TUFT1: variants seen among roughly 807,000 people sequenced by gnomAD.
TUFT1 encodes tuftelin 1.
A neutral mutation model predicts 57.8 loss-of-function variants in TUFT1; 43 were observed. The ratio of observed to expected loss-of-function variants is 0.74; its 90% CI spans 0.58 to 0.96. The LOEUF (loss-of-function observed/expected upper bound fraction) is 0.96, where lower values mean the gene tolerates loss of function less well. Ranked by LOEUF, TUFT1 falls within the 40% of genes least tolerant of loss-of-function variation. The probability of loss-of-function intolerance (pLI) is 0.00; values close to 1 mark genes in which losing one functional copy is unlikely to be tolerated. For synonymous variants in TUFT1, 166 were observed against 176.7 expected (o/e 0.94, Z 0.48); for missense variants, 459 against 489.0 (o/e 0.94, Z 0.58).
rs1313769167 is a variant in TUFT1, at chr1:151,583,476, G to T, written c.*1769G>T. 6.6e-6 allele frequency: 1 copy of T among 152,154 alleles called. No individual in the cohort carries two copies. Among genetic ancestry groups the T allele is most frequent in the Non-Finnish European group, 1.5e-5 (1 of 68,042 alleles). 9.4% of individuals were successfully genotyped at this position (152,154 alleles called of 1,614,324 possible). ...GGGAGTTCCCTCATTTGTAAAATGAGGGGGTCAGAGCAGGTGATATCCATG... is the reference window on the plus strand; with the variant it reads ...GGGAGTTCCCTCATTTGTAAAATGATGGGGTCAGAGCAGGTGATATCCATG... On this transcript the variant is annotated 3_prime_UTR_variant, in exon 13 of 13. Transcript: ENST00000368849.
chr1:151,580,161 C>G (rs1444902438), intron 11 of TUFT1, among the ~76,000 whole-genome samples: 1 of 152,214 alleles, frequency 6.6e-6, no homozygotes, highest in Non-Finnish European at 1.5e-5. Flanking sequence ...AGGGCCCTAC[C>G]TGTCTGTTGA....
intron 6 of TUFT1, among the ~76,000 whole-genome samples, chr1:151,567,660 C>G (rs1666125934): frequency 6.6e-6 from 1 of 152,146 alleles, no homozygotes; most frequent in African/African-American, 2.4e-5. Flanking sequence ...ATTCTCGTGC[C>G]TCAGCGTACT....
At chr1:151,559,987 G>C (rs1480432749) in intron 1 of TUFT1, among the ~76,000 whole-genome samples, 1 of 151,496 alleles carries the variant, frequency 6.6e-6, no homozygotes, top group African/African-American at 2.4e-5. Context: ...GTAGAGATGG[G>C]GTTTCACCAT....
At chr1:151,561,471 G>GCACACA (rs1163728080) in intron 1 of TUFT1, 3 of 311,886 alleles carry the variant, frequency 9.6e-6, no homozygotes, top group African/African-American at 7.7e-5. Context: ...GCGCGCGCGC[G>GCACACA]CGCACACACA....
intron 12 of TUFT1, 117 bp from the exon 13 acceptor site, chr1:151,581,527 C>T: frequency 1.1e-6 from 1 of 949,364 alleles, no homozygotes; most frequent in Non-Finnish European, 1.6e-6. Context: ...AAGTGATCAG[C>T]CAGCACTGCA....
At chr1:151,557,862 T>C (rs1013793674) in intron 1 of TUFT1, 1 of 738,576 alleles carries the variant, frequency 1.4e-6, no homozygotes, top group African/African-American at 1.7e-5. Context: ...ACAGCAAAGC[T>C]GAGGCTGGGG....
chr1:151,572,142 A>C (rs1666271395), intron 7 of TUFT1, among the ~76,000 whole-genome samples: 1 of 152,226 alleles, frequency 6.6e-6, no homozygotes, highest in South Asian at 2.1e-4. Flanking sequence ...TGGAGGCTGC[A>C]GTGAGCTATG....
intron 12 of TUFT1, 98 bp downstream of exon 12, chr1:151,581,140 C>G: frequency 8.8e-7 from 1 of 1,138,208 alleles, no homozygotes; most frequent in Non-Finnish European, 1.3e-6. Context: ...GAACAAGGCT[C>G]CTTTAAATCC....
intron 1 of TUFT1, among the ~76,000 whole-genome samples, chr1:151,555,131 C>T (rs1307054608): frequency 1.3e-5 from 2 of 149,024 alleles, no homozygotes; most frequent in African/African-American, 2.5e-5. Context: ...AGTTCAAGAC[C>T]AGCCTGGGCA....
chr1:151,562,029 G>T, intron 1 of TUFT1, 62 bp from the exon 2 acceptor site: 1 of 1,539,988 alleles, frequency 6.5e-7, no homozygotes, highest in Non-Finnish European at 9.0e-7. Context: ...TGTACTGGTA[G>T]CAGTTTGTAC....
At position 151,560,956 on chromosome 1, in the gene TUFT1, TTGTGTGTGTGTGTG is replaced by T. The variant is rs68056033; in HGVS notation, c.61-1100_61-1087del. The stretch of plus-strand genomic sequence containing the variant: ...GGTTTTTAATTTTCCCTGCAAAGTA[TTGTGTGTGTGTGTG>T]TGTGTGTGTGTGTGTGTGTGTGTGT... On this transcript the variant is annotated intron_variant, in intron 1 of 12. Transcript: ENST00000368849. Among the ~76,000 whole-genome samples the T allele has an allele frequency of 4.8e-3, 639 of 132,526 alleles. 31 individuals carry two copies. In the South Asian group the frequency reaches 0.13, roughly 26 times the overall value. The allele number at this position is 132,526 out of a possible 152,430, so 86.9% of individuals were successfully genotyped here. A position where few individuals can be genotyped will look rare whatever the true frequency, so the allele number is the denominator to read the frequency against.
Position 151,566,287 on chromosome 1 carries a change from C to CCCAT in TUFT1, c.480+62_480+65dup, listed in dbSNP as rs1052522131. The CCCAT allele has an allele frequency of 1.4e-4, 202 of 1,403,732 alleles. 1 individual carries two copies. The highest frequency in any genetic ancestry group is 2.0e-4 in the Non-Finnish European group (199 of 1,006,094). 87.0% of individuals were successfully genotyped at this position (1,403,732 alleles called of 1,614,324 possible). On this transcript the variant is annotated intron_variant, in intron 6 of 12. Coordinates refer to ENST00000368849, the MANE Select transcript of TUFT1 (RefSeq NM_020127.3). ...TAGCCAGGGGCAGGATTGCCTCCTCCCCATCCTTTTGTTTATTGCTTTCTC... is the reference window on the plus strand; with the variant it reads ...TAGCCAGGGGCAGGATTGCCTCCTCCCCATCCATCCTTTTGTTTATTGCTTTCTC...
At chr1:151,567,421 A>G (rs78783992) in intron 6 of TUFT1, among the ~76,000 whole-genome samples, 15,857 of 152,048 alleles carry the variant, frequency 0.1, 891 homozygotes, top group South Asian at 0.13. Context: ...TTTTGTAAAG[A>G]CAGGGTCTCA....
intron 1 of TUFT1, among the ~76,000 whole-genome samples, chr1:151,545,293 A>G (rs892081095): frequency 6.6e-6 from 1 of 152,118 alleles, no homozygotes; most frequent in Admixed American, 6.6e-5. Flanking sequence ...CTGGGCAACA[A>G]GAGTGAAACT....
intron 7 of TUFT1, among the ~76,000 whole-genome samples, 187 bp from the exon 8 acceptor site, chr1:151,574,083 C>G (rs150209547): frequency 5.5e-4 from 83 of 152,222 alleles, no homozygotes; most frequent in African/African-American, 2.0e-3. Context: ...TGGAAATAGA[C>G]ACCCTGCTGG....
chr1:151,543,429 C>T (rs897455297), intron 1 of TUFT1, among the ~76,000 whole-genome samples: 2 of 151,364 alleles, frequency 1.3e-5, no homozygotes, highest in South Asian at 4.2e-4. Context: ...AAAAGTTTTG[C>T]AAGCCACTGT....
chr1:151,578,335 A>T (rs1279893116), intron 9 of TUFT1, among the ~76,000 whole-genome samples: 1 of 151,972 alleles, frequency 6.6e-6, no homozygotes, highest in South Asian at 2.1e-4. Flanking sequence ...TGTGAGACAA[A>T]GTCTTGCTCT....
chr1:151,562,094 A>G lies in TUFT1; in HGVS notation c.64A>G (p.Ser22Gly), dbSNP rs138168809. The part of the protein sequence containing the change: ...DVHPEDQAAG[S>G]VDILRLTLQG... The stretch of plus-strand genomic sequence containing the variant: ...TTGCTGTCATTGTCATTATTAGGGC[A>G]GCGTGGACATTCTCAGGCTGACTCT... Residue 22 changes from serine (S) to glycine (G), a missense_variant, in exon 2 of 13, where the codon AGC (serine) becomes GGC (glycine). Coordinates refer to ENST00000368849, the MANE Select transcript of TUFT1 (RefSeq NM_020127.3). 5.6e-6 allele frequency: 9 copies of G among 1,614,108 alleles called. No homozygotes were observed. The highest frequency in any genetic ancestry group is 2.7e-5 in the African/African-American group (2 of 75,052).
chr1:151,567,121 G>A (rs1373295127), intron 6 of TUFT1, among the ~76,000 whole-genome samples: 1 of 152,188 alleles, frequency 6.6e-6, no homozygotes, highest in Non-Finnish European at 1.5e-5. Flanking sequence ...GGCTGCTCTT[G>A]AATTCTTGGG....
Sources: gnomAD v4.1 joint callset for allele counts (sites outside exome capture counted in the v4.1 genomes callset) on GRCh38, gnomAD v4.1.1 for gene constraint, MANE v1.5 for transcripts, NCBI Gene and HGNC (gene_info 2026-07-23, HGNC 2026-07-21) for gene names.